The following ADGRL4 variants were observed in gnomAD, a reference collection of about 807,000 sequenced individuals.
The protein encoded by ADGRL4 is adhesion G protein-coupled receptor L4.
In ADGRL4, 90 loss-of-function variants were observed where a neutral mutation model predicts 74.8. That is an observed-to-expected ratio of 1.20 (90% CI 1.02 to 1.43). ADGRL4 has a LOEUF of 1.43. Among genes scored for constraint, ADGRL4 ranks in the 40% most tolerant of loss-of-function variants. ADGRL4 has a pLI of 0.00. For synonymous variants in ADGRL4, 311 were observed against 279.2 expected (o/e 1.11, Z -1.14); for missense variants, 881 against 814.3 (o/e 1.08, Z -1.00).
Position 78,939,205 on chromosome 1 carries a change from T to C in ADGRL4, c.379A>G (p.Asn127Asp). The C allele has an allele frequency of 6.4e-7, 1 of 1,561,104 alleles. No individual in the cohort carries two copies. The highest frequency in any genetic ancestry group is 2.3e-5 in the East Asian group (1 of 43,312). The part of the protein sequence containing the change: ...LDNVCIAANI[N>D]KTLTKIRSIK... ...CTACTTACTTTTGTTAAAGTTTTAT[T>C]AATATTTGCAGCTATACAGACATTA... Residue 127 changes from asparagine to aspartate, a missense_variant, in exon 4 of 15, where the codon AAT becomes GAT. Transcript: ENST00000370742.
rs1426612658 is a variant in ADGRL4, at chr1:78,889,948, CAGAT to C, written c.*1202_*1205del. On this transcript the variant is annotated 3_prime_UTR_variant, in exon 15 of 15. Transcript: ENST00000370742. ...ACATTTTAATGAGAAGATTTAAAGA[CAGAT>C]AGAAGCTATATATTTAAGCAGATAT... 1.8e-5 allele frequency: 6 copies of C among 336,990 alleles called. No individual in the cohort carries two copies. Among genetic ancestry groups the C allele is most frequent in the Middle Eastern group, 4.8e-4 (1 of 2,096 alleles). 20.9% of individuals were successfully genotyped at this position (336,990 alleles called of 1,614,324 possible).
chr1:78,946,518 A>G, intron 2 of ADGRL4, 92 bp from the exon 3 acceptor site: 1 of 1,085,154 alleles, frequency 9.2e-7, no homozygotes, highest in Non-Finnish European at 1.3e-6. Flanking sequence ...TGACTGTTAG[A>G]TAGTTTAAGG....
At chr1:78,984,411 A>T (rs760477066) in intron 2 of ADGRL4, among the ~76,000 whole-genome samples, 1 of 151,870 alleles carries the variant, frequency 6.6e-6, no homozygotes, top group East Asian at 1.9e-4. Flanking sequence ...GAAAAAGTAA[A>T]TGTCCACCAG....
chr1:78,938,155 C>A lies in ADGRL4; in HGVS notation c.521G>T (p.Gly174Val). 6.2e-7 allele frequency: 1 copy of A among 1,612,812 alleles called. No individual in the cohort carries two copies. The change falls in exon 5 of 15, where the codon GGT becomes GTT. Residue 174 changes from glycine to valine, a missense_variant. Coordinates refer to ENST00000370742, the MANE Select transcript of ADGRL4 (RefSeq NM_022159.4). ...EILAESSSLLGYKNNTISAKD... is the reference protein window; with the variant it reads ...EILAESSSLLVYKNNTISAKD... ...GGCTGAGATAGTGTTGTTCTTGTAA[C>A]CTAGTAATGAAGATGATTCAGCTAA...
chr1:78,986,187 A>G (rs1157818582), intron 2 of ADGRL4, among the ~76,000 whole-genome samples: 1 of 151,766 alleles, frequency 6.6e-6, no homozygotes, highest in Non-Finnish European at 1.5e-5. Context: ...GGTTAAAAAC[A>G]ATAATAATAA....
rs780664220 is a variant in ADGRL4 at position 78,931,789 on chromosome 1, C to G, written c.877+4506G>C. Among the ~76,000 whole-genome samples the G allele has an allele frequency of 3.3e-5, 5 of 151,108 alleles. No homozygotes were observed. The South Asian group carries it at 8.3e-4, about 25-fold the overall frequency. ...AAGCAGGAGTTGGCAATCTTACTCT[C>G]CAACAAAACAGACTTTAAACCAATA... On this transcript the variant is annotated intron_variant, in intron 7 of 14. Coordinates refer to ENST00000370742, the MANE Select transcript of ADGRL4 (RefSeq NM_022159.4).
At chr1:79,000,318 G>C (rs1650815296) in intron 2 of ADGRL4, among the ~76,000 whole-genome samples, 1 of 152,008 alleles carries the variant, frequency 6.6e-6, no homozygotes, top group Non-Finnish European at 1.5e-5. Context: ...ATTAATTCTT[G>C]GTAATTATCC....
chr1:78,944,529 T>C (rs923302770), intron 3 of ADGRL4, among the ~76,000 whole-genome samples: 4 of 152,196 alleles, frequency 2.6e-5, no homozygotes, highest in Non-Finnish European at 4.4e-5. Flanking sequence ...CTAGAAACAC[T>C]AAAGGTAAAA....
At chr1:78,919,924 T>G (rs139901524) in intron 10 of ADGRL4, among the ~76,000 whole-genome samples, 1 of 152,066 alleles carries the variant, frequency 6.6e-6, no homozygotes, top group African/African-American at 2.4e-5. Context: ...AACAAAAAAG[T>G]ATTTATTCAG....
intron 12 of ADGRL4, among the ~76,000 whole-genome samples, chr1:78,917,316 A>T (rs1003832381): frequency 6.6e-6 from 1 of 151,796 alleles, no homozygotes; most frequent in Non-Finnish European, 1.5e-5. Context: ...TTATGCAGAC[A>T]TCTATACTCC....
In ADGRL4 at chr1:78,929,143, A is replaced by G. The variant is rs577555910; in HGVS notation, c.878-2052T>C. On this transcript the variant is annotated intron_variant, in intron 7 of 14. Coordinates refer to ENST00000370742, the MANE Select transcript of ADGRL4 (RefSeq NM_022159.4). ...TTTTTATCATAAAACCATAGATCAG[A>G]GCATTGAATCTTGTTCTATTAATTC... 4.0e-5 allele frequency among the ~76,000 whole-genome samples: 6 copies of G among 151,620 alleles called. No homozygotes were observed. In the South Asian group the frequency reaches 1.2e-3, roughly 31 times the overall value.
At chr1:79,005,762 A>C (rs1557528235) in intron 1 of ADGRL4, among the ~76,000 whole-genome samples, 1 of 152,194 alleles carries the variant, frequency 6.6e-6, no homozygotes, top group Non-Finnish European at 1.5e-5. Flanking sequence ...AATTGTTTTC[A>C]ATTTCAATTT....
At chr1:78,906,350 G>A (rs886448520) in intron 12 of ADGRL4, among the ~76,000 whole-genome samples, 4 of 151,882 alleles carry the variant, frequency 2.6e-5, no homozygotes, top group Admixed American at 1.3e-4. Flanking sequence ...TATTTTAATA[G>A]TGGTTTTTTT....
chr1:78,985,498 A>G (rs1479946074), intron 2 of ADGRL4, among the ~76,000 whole-genome samples: 1 of 151,812 alleles, frequency 6.6e-6, no homozygotes, highest in Non-Finnish European at 1.5e-5. Flanking sequence ...ATAGTATGTT[A>G]ATTTCGACCT....
At chr1:78,962,544 C>T (rs549768987) in intron 2 of ADGRL4, among the ~76,000 whole-genome samples, 41 of 152,102 alleles carry the variant, frequency 2.7e-4, no homozygotes, top group Non-Finnish European at 5.9e-4. Context: ...TTGCCTCTCT[C>T]CCCTGTCTCC....
At chr1:78,966,915 A>AT (rs1650068863) in intron 2 of ADGRL4, among the ~76,000 whole-genome samples, 1 of 128,938 alleles carries the variant, frequency 7.8e-6, no homozygotes, top group African/African-American at 2.7e-5. Context: ...GCTAGGAATG[A>AT]TAAAAAAAAA....
intron 2 of ADGRL4, among the ~76,000 whole-genome samples, chr1:78,997,525 G>GT (rs577400279): frequency 4.2e-4 from 64 of 151,620 alleles, no homozygotes; most frequent in South Asian, 1.7e-3. Context: ...AAAGTAATAA[G>GT]TTTTTTTTTG....
At chr1:79,001,570 T>C (rs1400391500) in intron 2 of ADGRL4, among the ~76,000 whole-genome samples, 1 of 152,130 alleles carries the variant, frequency 6.6e-6, no homozygotes, top group Non-Finnish European at 1.5e-5. Flanking sequence ...TTTATACAAT[T>C]TTAAGGCAAT....
At chr1:78,928,951 T>C (rs1471194258) in intron 7 of ADGRL4, among the ~76,000 whole-genome samples, 1 of 151,522 alleles carries the variant, frequency 6.6e-6, no homozygotes, top group African/African-American at 2.4e-5. Flanking sequence ...ATGAACTCCT[T>C]AGAGAATCAT....
Sources: gnomAD v4.1 joint callset for allele counts (sites outside exome capture counted in the v4.1 genomes callset) on GRCh38, gnomAD v4.1.1 for gene constraint, MANE v1.5 for transcripts, NCBI Gene and HGNC (gene_info 2026-07-23, HGNC 2026-07-21) for gene names.